Variants in AOPEP observed in about 807,000 individuals in gnomAD.
The protein encoded by AOPEP is aminopeptidase O.
Under a neutral mutation model 98.1 loss-of-function variants are expected in AOPEP, and 77 were observed. That is an observed-to-expected ratio of 0.78 (90% CI 0.65 to 0.95). The LOEUF is 0.95. AOPEP is among the 40% of genes least tolerant of loss of function. The pLI is 0.00. For synonymous variants in AOPEP, 346 were observed against 365.3 expected, an observed-to-expected ratio of 0.95 and a Z score of 0.60; for missense variants, 1,024 against 1,024.7, an observed-to-expected ratio of 1.00 and a Z score of 0.01.
rs768820862 is a variant in AOPEP, at chr9:94,800,732, ACCATTT to A, written c.1119-24_1119-19del. 6.2e-7 allele frequency: 1 copy of A among 1,611,046 alleles called. No homozygotes were observed. Among genetic ancestry groups the A allele is most frequent in the Admixed American group, 1.7e-5 (1 of 60,004 alleles). ...ACAGCAAGAATAATAAACATGTTTT[ACCATTT>A]ATTTTGTGTTATTCCCAGGCATGTT... On this transcript the variant is annotated intron_variant, in intron 4 of 16. Coordinates refer to ENST00000375315, the MANE Select transcript of AOPEP (RefSeq NM_001193329.3).
intron 14 of AOPEP, among the ~76,000 whole-genome samples, chr9:95,068,216 G>A (rs190557357): frequency 6.6e-6 from 1 of 152,186 alleles, no homozygotes; most frequent in African/African-American, 2.4e-5. Context: ...AGAATTGCTG[G>A]ATTATAACCC....
chr9:94,927,717 C>T (rs1182132253), intron 6 of AOPEP, among the ~76,000 whole-genome samples: 1 of 152,246 alleles, frequency 6.6e-6, no homozygotes, highest in Non-Finnish European at 1.5e-5. Flanking sequence ...GTAATGTCCC[C>T]ATGGCCTAGC....
At chr9:95,035,507 A>ATTTTTTT (rs542840000) in intron 13 of AOPEP, among the ~76,000 whole-genome samples, 1 of 67,950 alleles carries the variant, frequency 1.5e-5, no homozygotes, top group African/African-American at 5.9e-5. Context: ...GCTTCAGATA[A>ATTTTTTT]TTTTTTTTTT....
chr9:95,102,513 C>T, the AOPEP span, among the ~76,000 whole-genome samples: 1 of 152,280 alleles, frequency 6.6e-6, no homozygotes, highest in East Asian at 1.9e-4. Context: ...TCTTTAAGCA[C>T]AAGCAGTATT....
chr9:94,969,211 A>G (rs2059385756), intron 10 of AOPEP, among the ~76,000 whole-genome samples: 1 of 151,874 alleles, frequency 6.6e-6, no homozygotes, highest in South Asian at 2.1e-4. Context: ...TTTTCAGTAC[A>G]CTGCTCAGCA....
chr9:94,843,636 C>CT (rs2042531140), intron 5 of AOPEP, among the ~76,000 whole-genome samples: 1 of 152,202 alleles, frequency 6.6e-6, no homozygotes, highest in South Asian at 2.1e-4. Context: ...GCCCATGAGC[C>CT]TTTGAAACCA....
At chr9:95,150,037 A>G in the AOPEP span, 12 of 1,614,044 alleles carry the variant, frequency 7.4e-6, no homozygotes, top group Admixed American at 3.3e-5. Flanking sequence ...TGTCAGGGTA[A>G]TAAGTGGGAC....
At chr9:94,891,255 G>T (rs966824981) in intron 5 of AOPEP, among the ~76,000 whole-genome samples, 8 of 152,010 alleles carry the variant, frequency 5.3e-5, no homozygotes, top group Non-Finnish European at 1.2e-4. Context: ...CTGCTTTTTT[G>T]GATTAATATT....
intron 15 of AOPEP, 33 bp downstream of exon 15, chr9:95,080,813 G>C: frequency 2.1e-6 from 3 of 1,421,960 alleles, no homozygotes; most frequent in Middle Eastern, 1.7e-4. Flanking sequence ...TGGGGATTCT[G>C]TAAAGGCTGT....
chr9:94,899,418 C>CT (rs1278425229), intron 5 of AOPEP, among the ~76,000 whole-genome samples: 1 of 146,374 alleles, frequency 6.8e-6, no homozygotes, highest in Non-Finnish European at 1.5e-5. Flanking sequence ...TTTATATTGA[C>CT]TTTTTTTTAA....
intron 3 of AOPEP, among the ~76,000 whole-genome samples, chr9:94,782,909 G>C (rs1488091980): frequency 6.6e-6 from 1 of 152,210 alleles, no homozygotes; most frequent in Non-Finnish European, 1.5e-5. Flanking sequence ...CGACATATGT[G>C]AAAGTCATCA....
chr9:95,110,701 C>T, the AOPEP span: 1,386 of 1,058,232 alleles, frequency 1.3e-3, no homozygotes, highest in Admixed American at 2.6e-3. Flanking sequence ...GGGCTCTATA[C>T]AAAATGAGCC....
intron 1 of AOPEP, among the ~76,000 whole-genome samples, chr9:94,727,875 T>C (rs1829565188): frequency 6.6e-6 from 1 of 152,202 alleles, no homozygotes; most frequent in African/African-American, 2.4e-5. Flanking sequence ...TTGCATATGT[T>C]TTCTCCTTAC....
Position 94,992,741 on chromosome 9 carries a change from CT to C in AOPEP, c.1978-12416del, listed in dbSNP as rs990664282. 1.2e-4 allele frequency among the ~76,000 whole-genome samples: 18 copies of C among 152,206 alleles called. 1 individual carries two copies. Among genetic ancestry groups the C allele is most frequent in the African/African-American group, 3.9e-4 (16 of 41,448 alleles). On this transcript the variant is annotated intron_variant, in intron 11 of 16. Transcript: ENST00000375315. Reference sequence around the variant, plus strand: ...GGGAGCTGGCCTGGGTGAAGGCACTCTGGGCTGCGTCCGGTGCCGTGCTGAG... The same window carrying C: ...GGGAGCTGGCCTGGGTGAAGGCACTCGGGCTGCGTCCGGTGCCGTGCTGAG...
chr9:94,794,737 T>A (rs1379501727), intron 4 of AOPEP, among the ~76,000 whole-genome samples: 1 of 152,222 alleles, frequency 6.6e-6, no homozygotes. Context: ...TCTAGTTTCA[T>A]GTGGGAACTT....
At chr9:95,086,024 C>T (rs778461843) in intron 16 of AOPEP, 19 of 1,367,298 alleles carry the variant, frequency 1.4e-5, no homozygotes, top group Non-Finnish European at 1.7e-5. Flanking sequence ...ACCCGCCCTC[C>T]GGTGCCTACT....
chr9:94,834,339 G>A (rs544351776), intron 5 of AOPEP, among the ~76,000 whole-genome samples: 3 of 152,306 alleles, frequency 2.0e-5, no homozygotes, highest in East Asian at 1.9e-4. Context: ...CAATTACAGC[G>A]TGTGGGCCTT....
At chr9:94,838,616 A>G (rs1034096464) in intron 5 of AOPEP, among the ~76,000 whole-genome samples, 2 of 152,192 alleles carry the variant, frequency 1.3e-5, no homozygotes, top group Non-Finnish European at 2.9e-5. Flanking sequence ...GTGTATATCT[A>G]CCAAAAAATT....
chr9:94,958,171 A>G (rs1046377865), intron 9 of AOPEP, among the ~76,000 whole-genome samples: 141 of 152,280 alleles, frequency 9.3e-4, no homozygotes, highest in African/African-American at 3.3e-3. Context: ...GGCTTACTTC[A>G]CTTAGCATAA....
Sources: gnomAD v4.1 joint callset for allele counts (sites outside exome capture counted in the v4.1 genomes callset) on GRCh38, gnomAD v4.1.1 for gene constraint, MANE v1.5 for transcripts, NCBI Gene and HGNC (gene_info 2026-07-23, HGNC 2026-07-21) for gene names.